Variants in GLIS3 observed in about 807,000 individuals in gnomAD.
GLIS3 encodes the protein GLIS family zinc finger 3, also known as zinc finger protein GLIS3.
GLIS3 carries 53 observed loss-of-function variants against 78.6 expected under a neutral mutation model. That is an observed-to-expected ratio of 0.67 (90% confidence interval 0.54 to 0.85). GLIS3 has a LOEUF of 0.85. GLIS3 is among the 40% of genes least tolerant of loss of function. GLIS3 has a pLI of 0.00. For missense variants in GLIS3, 1,703 were observed against 1,231.1 expected (o/e 1.38, Z -5.74); for synonymous variants, 684 against 509.9 (o/e 1.34, Z -4.60).
chr9:3,936,896 C>T, intron 5 of GLIS3, 132 bp downstream of exon 5: 3 of 1,225,872 alleles, frequency 2.4e-6, no homozygotes, highest in East Asian at 2.3e-5. Flanking sequence ...TTACCAGGCT[C>T]CACTGCTGCC....
the GLIS3 span, among the ~76,000 whole-genome samples, chr9:4,480,196 CTTTCTTT>C: frequency 3.0e-5 from 4 of 133,374 alleles, no homozygotes; most frequent in African/African-American, 8.9e-5. Flanking sequence ...CCAGGCTGGG[CTTTCTTT>C]TTTTTTTTTT....
intron 2 of GLIS3, among the ~76,000 whole-genome samples, chr9:4,158,418 A>T (rs1835204713): frequency 6.6e-6 from 1 of 152,186 alleles, no homozygotes; most frequent in Non-Finnish European, 1.5e-5. Context: ...ACCACGATGA[A>T]GTGGGTCAGG....
At chr9:3,916,417 C>G (rs1824517171) in intron 6 of GLIS3, among the ~76,000 whole-genome samples, 1 of 152,202 alleles carries the variant, frequency 6.6e-6, no homozygotes, top group Non-Finnish European at 1.5e-5. Context: ...GGGGTGTCCC[C>G]CTGCGCCAAC....
Position 4,177,130 on chromosome 9 carries a change from AAAAACAAAACAAAAC to A in GLIS3, c.389-51204_389-51190del, listed in dbSNP as rs60164998. On this transcript the variant is annotated intron_variant, in intron 2 of 10. Transcript: ENST00000381971. ...GTGTTATCTTGTCAATTTGATGAGC[AAAAACAAAACAAAAC>A]AAAACAAAACAAAACAAAACAAAAC... Among the ~76,000 whole-genome samples, 390 of 151,158 alleles carry A rather than the reference AAAAACAAAACAAAAC, an allele frequency of 2.6e-3. 1 individual carries two copies. The highest frequency in any genetic ancestry group is 3.9e-3 in the Non-Finnish European group (262 of 67,778).
At chr9:4,218,427 C>G (rs543136508) in intron 2 of GLIS3, among the ~76,000 whole-genome samples, 2 of 152,138 alleles carry the variant, frequency 1.3e-5, no homozygotes, top group African/African-American at 2.4e-5. Flanking sequence ...TACAGGCACC[C>G]GCCACCACAC....
At chr9:3,865,236 C>T (rs1387888271) in intron 8 of GLIS3, among the ~76,000 whole-genome samples, 1 of 152,196 alleles carries the variant, frequency 6.6e-6, no homozygotes, top group Non-Finnish European at 1.5e-5. Flanking sequence ...GGTTTCTGCT[C>T]ACCTCCATAC....
chr9:4,252,374 A>G (rs990160011), intron 2 of GLIS3, among the ~76,000 whole-genome samples: 2 of 151,898 alleles, frequency 1.3e-5, no homozygotes, highest in African/African-American at 2.4e-5. Context: ...AATCTCTGAC[A>G]TCCTTTCTTC....
intron 7 of GLIS3, among the ~76,000 whole-genome samples, chr9:3,888,194 C>G (rs1822204367): frequency 6.6e-6 from 1 of 152,130 alleles, no homozygotes; most frequent in South Asian, 2.1e-4. Flanking sequence ...AGAAAGATCC[C>G]TCACCTTTTT....
At chr9:4,051,854 C>T (rs1435945101) in intron 4 of GLIS3, among the ~76,000 whole-genome samples, 4 of 152,114 alleles carry the variant, frequency 2.6e-5, no homozygotes, top group Non-Finnish European at 4.4e-5. Context: ...GGGCTTTTTG[C>T]CATTTGTATT....
intron 4 of GLIS3, among the ~76,000 whole-genome samples, chr9:4,007,494 G>C (rs1479983046): frequency 6.6e-6 from 1 of 151,966 alleles, no homozygotes; most frequent in African/African-American, 2.4e-5. Flanking sequence ...ATCAATCTTT[G>C]CTAAAATGTC....
chr9:4,436,628 A>C, the GLIS3 span, among the ~76,000 whole-genome samples: 1 of 151,946 alleles, frequency 6.6e-6, no homozygotes, highest in African/African-American at 2.4e-5. Flanking sequence ...AACATGATGA[A>C]ATCCTTTCTC....
chr9:4,348,151 G>A (rs1032547592), intron 1 of GLIS3: 2 of 152,184 alleles, frequency 1.3e-5, no homozygotes, highest in South Asian at 4.1e-4. Context: ...ATCAGAATCA[G>A]CCTAAGTATC....
At chr9:4,149,868 T>C (rs968828208) in intron 2 of GLIS3, among the ~76,000 whole-genome samples, 7 of 152,218 alleles carry the variant, frequency 4.6e-5, no homozygotes, top group African/African-American at 1.7e-4. Flanking sequence ...ATGATGATAA[T>C]GATGGTGATA....
At chr9:4,056,139 C>G (rs1019034408) in intron 4 of GLIS3, among the ~76,000 whole-genome samples, 1 of 152,196 alleles carries the variant, frequency 6.6e-6, no homozygotes, top group Non-Finnish European at 1.5e-5. Flanking sequence ...TATGATTCAT[C>G]CTAGCGTATA....
At chr9:4,428,107 G>A in the GLIS3 span, among the ~76,000 whole-genome samples, 2 of 152,062 alleles carry the variant, frequency 1.3e-5, no homozygotes, top group Non-Finnish European at 2.9e-5. Flanking sequence ...ACAGGAGGAG[G>A]CCATGGGAGT....
the GLIS3 span, among the ~76,000 whole-genome samples, chr9:4,473,593 G>C: frequency 3.3e-5 from 5 of 152,030 alleles, no homozygotes; most frequent in Admixed American, 6.6e-5. Context: ...TAAATGATGA[G>C]AACACATGGA....
At chr9:4,210,620 T>G (rs1820293606) in intron 2 of GLIS3, among the ~76,000 whole-genome samples, 1 of 152,212 alleles carries the variant, frequency 6.6e-6, no homozygotes, top group Non-Finnish European at 1.5e-5. Context: ...TGCAGAAAAC[T>G]TAAGTCTTCA....
chr9:3,861,393 GAAATCCCATTATGTACCC>G (rs1189872291), intron 8 of GLIS3, among the ~76,000 whole-genome samples: 1 of 151,964 alleles, frequency 6.6e-6, no homozygotes, highest in East Asian at 1.9e-4. Flanking sequence ...ATTTGACCCA[GAAATCCCATTATGTACCC>G]AAATCCCATT....
intron 9 of GLIS3, among the ~76,000 whole-genome samples, chr9:3,839,843 A>C (rs1175696848): frequency 6.6e-6 from 1 of 152,206 alleles, no homozygotes; most frequent in African/African-American, 2.4e-5. Context: ...ATTAGGGAGA[A>C]AAGTATTTAA....
Sources: gnomAD v4.1 joint callset for allele counts (sites outside exome capture counted in the v4.1 genomes callset) on GRCh38, gnomAD v4.1.1 for gene constraint, MANE v1.5 for transcripts, NCBI Gene and HGNC (gene_info 2026-07-23, HGNC 2026-07-21) for gene names.